XBP1: variants seen among roughly 807,000 people sequenced by gnomAD.
The protein encoded by XBP1 is X-box binding protein 1, also known as X-box-binding protein 1.
In XBP1, 18 loss-of-function variants were observed where a neutral mutation model predicts 34.6. The observed-to-expected ratio is 0.52, with a 90% CI of 0.36 to 0.77. XBP1 has a LOEUF of 0.77. XBP1 is among the 30% of genes least tolerant of loss of function. The pLI is 0.00. For missense variants in XBP1, 422 were observed against 464.6 expected (o/e 0.91, Z 0.84); for synonymous variants, 191 against 193.4 (o/e 0.99, Z 0.11).
chr22:28,795,888 T>C (rs566318638), intron 5 of XBP1, among the ~76,000 whole-genome samples, 156 bp from the exon 6 acceptor site: 1 of 152,312 alleles, frequency 6.6e-6, no homozygotes, highest in African/African-American at 2.4e-5. Context: ...CTTCACTCCA[T>C]GTTCTATATT....
chr22:28,797,587 C>T (rs2031773503), intron 2 of XBP1, among the ~76,000 whole-genome samples: 1 of 152,004 alleles, frequency 6.6e-6, no homozygotes, highest in African/African-American at 2.4e-5. Flanking sequence ...TCAAAACCAG[C>T]CTGGCCAACA....
exon 3 of XBP1, chr22:28,797,116 C>T: frequency 1.9e-6 from 3 of 1,612,640 alleles, no homozygotes; most frequent in Non-Finnish European, 2.5e-6. Context: ...GGGCATCCAT[C>T]CCCAAGCGCT....
chr22:28,795,815 T>G, intron 5 of XBP1, 83 bp from the exon 6 acceptor site: 10 of 1,397,474 alleles, frequency 7.2e-6, no homozygotes, highest in Non-Finnish European at 9.7e-6. Flanking sequence ...CTGGGTTCCA[T>G]AATGTAAATT....
chr22:28,795,423 G>A, exon 6 of XBP1: 1 of 1,579,860 alleles, frequency 6.3e-7, no homozygotes, highest in Non-Finnish European at 8.6e-7. Flanking sequence ...ATGAATTCAG[G>A]GTGATCATTC....
intron 1 of XBP1, 175 bp downstream of exon 1, chr22:28,800,123 G>A: frequency 1.3e-6 from 1 of 762,066 alleles, no homozygotes; most frequent in South Asian, 1.6e-5. Context: ...TGGCGGATCC[G>A]GTCAGTCCGG....
intron 1 of XBP1, 86 bp downstream of exon 1, chr22:28,800,212 C>T: frequency 2.7e-6 from 4 of 1,460,928 alleles, no homozygotes; most frequent in South Asian, 1.2e-5. Flanking sequence ...GCGGCCAGTG[C>T]TGGGTCCCCG....
chr22:28,800,538 G>C (rs2269575), upstream of XBP1: 1 of 1,475,480 alleles, frequency 6.8e-7, no homozygotes. Flanking sequence ...TCCAGACTAC[G>C]CACCGCGCAC....
exon 6 of XBP1, chr22:28,795,320 G>A (rs2031726450): frequency 6.4e-7 from 1 of 1,551,918 alleles, no homozygotes; most frequent in Non-Finnish European, 8.7e-7. Context: ...TAGGCAGGAA[G>A]ATGGCTTTGG....
At chr22:28,800,051 A>G (rs564354635) in intron 1 of XBP1, 34 of 770,644 alleles carry the variant, frequency 4.4e-5, no homozygotes, top group Non-Finnish European at 7.2e-5. Flanking sequence ...AGCTCTGGTC[A>G]TCTCTAACGA....
chr22:28,796,462 C>G, intron 3 of XBP1: 1 of 296,996 alleles, frequency 3.4e-6, no homozygotes, highest in Non-Finnish European at 6.2e-6. Flanking sequence ...TTTCTCATCT[C>G]TTGAGGACTT....
exon 6 of XBP1, chr22:28,795,716 C>G: frequency 1.3e-6 from 2 of 1,539,726 alleles, no homozygotes; most frequent in Non-Finnish European, 1.7e-6. Context: ...GTCCAGAATG[C>G]CCAACAGGAT....
chr22:28,800,459 C>T (rs1314834544), exon 1 of XBP1: 1 of 1,474,788 alleles, frequency 6.8e-7, no homozygotes. Flanking sequence ...AGGCGGGCTG[C>T]CCCGACAGAA....
intron 1 of XBP1, among the ~76,000 whole-genome samples, chr22:28,799,506 C>T (rs1427827490): frequency 1.3e-5 from 2 of 152,182 alleles, no homozygotes; most frequent in African/African-American, 2.4e-5. Flanking sequence ...TTCTCTTAAA[C>T]AGGATCCAAC....
At position 28,800,498 on chromosome 22, in the gene XBP1, G is replaced by C. The variant is rs1229110930; in HGVS notation, c.27C>G (p.Asn9Lys). The change falls in exon 1 of 6, where the codon AAC becomes AAG. Residue 9 changes from asparagine to lysine, a missense_variant. Around this residue, in one of 3 missense-constraint regions of XBP1, gnomAD observed 121 missense variants for 98.4 expected, o/e 1.23. Coordinates refer to ENST00000344347, the Ensembl canonical transcript of XBP1. The stretch of plus-strand genomic sequence containing the variant: ...GAACTTTAGGGGTCCCGTCGGCCGG[G>C]TTCGGCGCGGCTGCCACCACCACCA... 3 of 1,487,518 alleles carry C rather than the reference G, an allele frequency of 2.0e-6. No homozygotes were observed. The highest frequency in any genetic ancestry group is 2.7e-6 in the Non-Finnish European group (3 of 1,128,868). The allele number at this position is 1,487,518 out of a possible 1,614,324, so 92.1% of individuals were successfully genotyped here. A position where few individuals can be genotyped will look rare whatever the true frequency, so the allele number is the denominator to read the frequency against.
chr22:28,795,191 T>C, exon 6 of XBP1: 1 of 1,515,940 alleles, frequency 6.6e-7, no homozygotes, highest in South Asian at 1.3e-5. Flanking sequence ...ACTAATCAGC[T>C]GGGGAAAGAG....
intron 1 of XBP1, among the ~76,000 whole-genome samples, chr22:28,799,695 G>T (rs1019823463): frequency 7.2e-5 from 11 of 151,966 alleles, no homozygotes; most frequent in Non-Finnish European, 1.5e-5. Context: ...TTTTTTAAAA[G>T]AATTAACTCA....
chr22:28,796,300 G>C (rs754275271), intron 3 of XBP1, 108 bp from the exon 4 acceptor site: 29 of 1,082,136 alleles, frequency 2.7e-5, no homozygotes, highest in Non-Finnish European at 3.7e-5. Flanking sequence ...AAAGATTCTA[G>C]GGTTAAATTG....
At chr22:28,797,801 A>G (rs2031777249) in intron 2 of XBP1, among the ~76,000 whole-genome samples, 1 of 150,166 alleles carries the variant, frequency 6.7e-6, no homozygotes. Flanking sequence ...GATGATGATA[A>G]TAATAATAAT....
At chr22:28,795,758 G>A in intron 5 of XBP1, 26 bp from the exon 6 acceptor site, 1 of 1,516,824 alleles carries the variant, frequency 6.6e-7, no homozygotes, top group Non-Finnish European at 8.8e-7. Context: ...ATTAAATGAA[G>A]TACAACTGTC....
Sources: gnomAD v4.1 joint callset for allele counts (sites outside exome capture counted in the v4.1 genomes callset) on GRCh38, gnomAD v4.1.1 for gene constraint, gnomAD v4.1.1 regional missense constraint, MANE v1.5 for transcripts, NCBI Gene and HGNC (gene_info 2026-07-23, HGNC 2026-07-21) for gene names.